TACC2: variants seen among roughly 807,000 people sequenced by gnomAD.
TACC2 encodes transforming acidic coiled-coil containing protein 2.
Under a neutral mutation model 227.3 loss-of-function variants are expected in TACC2, and 137 were observed. The ratio of observed to expected loss-of-function variants is 0.60; its 90% CI spans 0.52 to 0.69. The LOEUF (loss-of-function observed/expected upper bound fraction) is 0.69. Ranked by LOEUF, TACC2 falls within the 30% of genes least tolerant of loss-of-function variation. TACC2 has a pLI of 0.00. For missense variants in TACC2, 3,470 were observed against 3,694.4 expected, an observed-to-expected ratio of 0.94 and a Z score of 1.57; for synonymous variants, 1,523 against 1,487.5, an observed-to-expected ratio of 1.02 and a Z score of -0.55.
intron 7 of TACC2, among the ~76,000 whole-genome samples, chr10:122,172,718 G>A (rs1335010663): frequency 2.6e-5 from 4 of 152,154 alleles, no homozygotes; most frequent in South Asian, 2.1e-4. Context: ...GCCCTAAGAC[G>A]CCGTCCTGGG....
chr10:122,176,115 CTCTATATATATATATA>C (rs1395240336), intron 7 of TACC2, among the ~76,000 whole-genome samples: 4 of 47,188 alleles, frequency 8.5e-5, no homozygotes, highest in African/African-American at 5.1e-4. Context: ...CTCTCTCTCT[CTCTATATATATATATA>C]TATATATATA....
intron 22 of TACC2, among the ~76,000 whole-genome samples, chr10:122,252,452 C>T (rs1431134414): frequency 4.6e-5 from 7 of 151,860 alleles, no homozygotes; most frequent in African/African-American, 1.7e-4. Context: ...CCGTTAGCAG[C>T]CCCAGCAGGG....
At chr10:122,033,587 G>A (rs1038582644) in intron 2 of TACC2, among the ~76,000 whole-genome samples, 3 of 152,168 alleles carry the variant, frequency 2.0e-5, no homozygotes, top group African/African-American at 7.2e-5. Flanking sequence ...ATTAAATTCT[G>A]AATCAGCTGT....
At chr10:122,099,037 G>T (rs571875139) in intron 5 of TACC2, among the ~76,000 whole-genome samples, 1 of 152,332 alleles carries the variant, frequency 6.6e-6, no homozygotes, top group East Asian at 1.9e-4. Context: ...GTGGGAGTAC[G>T]CCTGTGTGGT....
chr10:122,212,535 G>T (rs567728529), intron 9 of TACC2, among the ~76,000 whole-genome samples: 1 of 152,308 alleles, frequency 6.6e-6, no homozygotes, highest in Admixed American at 6.5e-5. Context: ...ATATCTTGGC[G>T]ATTTCCTTAC....
intron 6 of TACC2, among the ~76,000 whole-genome samples, chr10:122,139,862 G>A (rs1353047374): frequency 1.3e-5 from 2 of 152,188 alleles, no homozygotes; most frequent in South Asian, 4.1e-4. Context: ...TCACCCTCCC[G>A]TGACAGCCTG....
At chr10:122,170,779 C>T (rs959691484) in intron 7 of TACC2, among the ~76,000 whole-genome samples, 58 of 152,352 alleles carry the variant, frequency 3.8e-4, no homozygotes, top group African/African-American at 1.2e-3. Flanking sequence ...CTCCTCCCCT[C>T]GCCTGATGTT....
In TACC2 at chr10:122,101,793, C is replaced by T. The variant is rs199674648; in HGVS notation, c.5573+13202C>T. Among the ~76,000 whole-genome samples, 22 of 137,316 alleles carry T rather than the reference C, an allele frequency of 1.6e-4. No individual in the cohort carries two copies. The East Asian group carries it at 2.8e-3, about 18-fold the overall frequency. 90.1% of individuals were successfully genotyped at this position (137,316 alleles called of 152,430 possible). A position where few individuals can be genotyped will look rare whatever the true frequency, so the allele number is the denominator to read the frequency against. Reference sequence around the variant, plus strand: ...TTCACCGTGTTAGCCAGGATGGTCTCGATCTCCTGACCTTGTGATCTGCCT... The same window carrying T: ...TTCACCGTGTTAGCCAGGATGGTCTTGATCTCCTGACCTTGTGATCTGCCT... On this transcript the variant is annotated intron_variant, in intron 5 of 22. Transcript: ENST00000369005.
chr10:122,122,800 A>C (rs1179643199), intron 5 of TACC2, among the ~76,000 whole-genome samples: 1 of 152,240 alleles, frequency 6.6e-6, no homozygotes, highest in Non-Finnish European at 1.5e-5. Flanking sequence ...TGGCAAACAG[A>C]AAGAAGTGCT....
At chr10:122,181,521 C>G (rs1356590059) in intron 7 of TACC2, among the ~76,000 whole-genome samples, 3 of 152,162 alleles carry the variant, frequency 2.0e-5, no homozygotes, top group Non-Finnish European at 4.4e-5. Flanking sequence ...CATCTACTAC[C>G]TACTGTTGCC....
chr10:122,089,694 T>C (rs2080518347), intron 5 of TACC2, among the ~76,000 whole-genome samples: 1 of 152,220 alleles, frequency 6.6e-6, no homozygotes, highest in African/African-American at 2.4e-5. Flanking sequence ...GGAATCAGAC[T>C]TTAAATTAGT....
At chr10:122,223,889 T>C (rs1392305409) in intron 11 of TACC2, among the ~76,000 whole-genome samples, 5 of 152,178 alleles carry the variant, frequency 3.3e-5, no homozygotes, top group Admixed American at 3.3e-4. Context: ...AGCTCTAGAT[T>C]GTGGCTTCTG....
intron 7 of TACC2, among the ~76,000 whole-genome samples, chr10:122,169,640 A>G (rs2093367603): frequency 6.6e-6 from 1 of 152,176 alleles, no homozygotes; most frequent in African/African-American, 2.4e-5. Flanking sequence ...TGGCCTGGGC[A>G]ATCTTTGTTT....
chr10:122,119,802 T>C (rs1172427192), intron 5 of TACC2, among the ~76,000 whole-genome samples: 1 of 152,008 alleles, frequency 6.6e-6, no homozygotes, highest in Non-Finnish European at 1.5e-5. Context: ...ACCCGTCATC[T>C]CAGCTACTCG....
rs1210607758 is a variant in TACC2 at position 122,083,104 on chromosome 10, C to A, written c.604C>A (p.Pro202Thr). 18 of 1,612,896 alleles carry A rather than the reference C, an allele frequency of 1.1e-5. No homozygotes were observed. Among genetic ancestry groups the A allele is most frequent in the Non-Finnish European group, 1.5e-5 (18 of 1,180,048 alleles). The change falls in exon 4 of 23, where the codon CCA becomes ACA. Residue 202 changes from proline to threonine, a missense_variant. Around this residue, in one of 10 missense-constraint regions of TACC2, gnomAD observed 405 missense variants for 389.6 expected, o/e 1.04. Transcript: ENST00000369005. ...CATCGACCAGTCACCTGGAATGTCG[C>A]CAGTACCCCTCAGAGAGCCAATGAA... ...SGIDQSPGMS[P>T]VPLREPMKAP...
chr10:122,234,742 C>A (rs1221926263), intron 16 of TACC2, among the ~76,000 whole-genome samples: 1 of 152,010 alleles, frequency 6.6e-6, no homozygotes, highest in African/African-American at 2.4e-5. Flanking sequence ...TTTTCATTCC[C>A]TTTCTTGTTT....
At chr10:122,128,587 G>A (rs1319516670) in intron 5 of TACC2, among the ~76,000 whole-genome samples, 1 of 152,170 alleles carries the variant, frequency 6.6e-6, no homozygotes, top group Non-Finnish European at 1.5e-5. Context: ...GAAAATATGA[G>A]TACAGAAGTG....
rs776575219 is a variant in TACC2, at chr10:122,085,685, C to T, written c.3185C>T (p.Ala1062Val). The T allele has an allele frequency of 1.9e-6, 3 of 1,613,632 alleles. No individual in the cohort carries two copies. The highest frequency in any genetic ancestry group is 1.7e-6 in the Non-Finnish European group (2 of 1,180,036). ...CTGGATGCAGTTCCCTGCCTGCCAGCCCTGGCGCCCGCCAGCCCCGGAGTC... is the reference window on the plus strand; with the variant it reads ...CTGGATGCAGTTCCCTGCCTGCCAGTCCTGGCGCCCGCCAGCCCCGGAGTC... Reference protein sequence around the residue: ...ALLDAVPCLPALAPASPGVTP... With the variant: ...ALLDAVPCLPVLAPASPGVTP... Residue 1062 changes from alanine to valine, a missense_variant, in exon 4 of 23, where the codon GCC becomes GTC. Ala to Val is a moderately conservative substitution (Grantham distance 64, BLOSUM62 0). Around this residue, in one of 10 missense-constraint regions of TACC2, gnomAD observed 1,924 missense variants for 1,978.3 expected, o/e 0.97. Transcript: ENST00000369005.
intron 3 of TACC2, among the ~76,000 whole-genome samples, chr10:122,055,218 T>A (rs1356059099): frequency 6.8e-6 from 1 of 147,130 alleles, no homozygotes; most frequent in East Asian, 2.0e-4. Flanking sequence ...AGACGCCGTC[T>A]CCCAAAAAAA....
Sources: gnomAD v4.1 joint callset for allele counts (sites outside exome capture counted in the v4.1 genomes callset) on GRCh38, gnomAD v4.1.1 for gene constraint, gnomAD v4.1.1 regional missense constraint, MANE v1.5 for transcripts, NCBI Gene and HGNC (gene_info 2026-07-23, HGNC 2026-07-21) for gene names.